The following SIDT2 variants were observed in gnomAD, a reference collection of about 807,000 sequenced individuals.
SIDT2 encodes SID1 transmembrane family member 2.
A neutral mutation model predicts 114.4 loss-of-function variants in SIDT2; 68 were observed. The ratio of observed to expected loss-of-function variants is 0.59; its 90% CI spans 0.49 to 0.73. SIDT2 has a LOEUF of 0.73. Among genes scored for constraint, SIDT2 ranks in the 30% least tolerant of loss-of-function variants. The pLI is 0.00. For missense variants in SIDT2, 918 were observed against 1,097.1 expected (o/e 0.84, Z 2.31); for synonymous variants, 470 against 438.4 (o/e 1.07, Z -0.90).
At chr11:117,189,557 A>C (rs982817122) in intron 15 of SIDT2, 156 bp downstream of exon 15, 4 of 715,062 alleles carry the variant, frequency 5.6e-6, no homozygotes, top group Non-Finnish European at 9.3e-6. Context: ...AAATCACATA[A>C]CCCCCCCAAC....
intron 10 of SIDT2, chr11:117,186,853 C>A: frequency 9.1e-7 from 1 of 1,104,494 alleles, no homozygotes; most frequent in Non-Finnish European, 1.3e-6. Context: ...TTGGTTTATT[C>A]CATGTCTAGC....
At chr11:117,186,517 G>A in intron 9 of SIDT2, 67 bp from the exon 10 acceptor site, 1 of 1,439,500 alleles carries the variant, frequency 6.9e-7, no homozygotes, top group African/African-American at 1.4e-5. Flanking sequence ...TAGAAGGAAA[G>A]TCAGCCCCAT....
Position 117,191,806 on chromosome 11 carries a change from G to A in SIDT2, c.1736-72G>A. The stretch of plus-strand genomic sequence containing the variant: ...CAGGGCTCTCTCTTCCTCTGGGATT[G>A]TTGGGGCCAGGAGTTCTCTGCTGGG... On this transcript the variant is annotated intron_variant, in intron 18 of 25. Transcript: ENST00000324225. 4 of 1,573,950 alleles carry A rather than the reference G, an allele frequency of 2.5e-6. No homozygotes were observed. In the South Asian group the frequency reaches 3.5e-5, roughly 14 times the overall value.
At chr11:117,181,785 A>T (rs1211363293) in intron 2 of SIDT2, 22 bp from the exon 3 acceptor site, 1 of 1,613,902 alleles carries the variant, frequency 6.2e-7, no homozygotes. Context: ...CTCACATCCT[A>T]TCTCCCTGCT....
Position 117,182,769 on chromosome 11 carries a change from A to T in SIDT2, c.665A>T (p.Tyr222Phe). 1 of 1,614,142 alleles carries T rather than the reference A, an allele frequency of 6.2e-7. No homozygotes were observed. Among genetic ancestry groups the T allele is most frequent in the Non-Finnish European group, 8.5e-7 (1 of 1,180,008 alleles). The change falls in exon 6 of 26, where the codon TAC (tyrosine) becomes TTC (phenylalanine). Residue 222 changes from tyrosine to phenylalanine, a missense_variant. By Grantham distance (22) the Tyr-to-Phe change is conservative. Around this residue, in one of 4 missense-constraint regions of SIDT2, gnomAD observed 553 missense variants for 600.1 expected, o/e 0.92. Coordinates refer to ENST00000324225, the MANE Select transcript of SIDT2 (RefSeq NM_001040455.2). Reference sequence around the variant, plus strand: ...AACAACGTAGCCTTCATCGGCATGTACCAGACGATGACCAAGAAGGCGGCC... The same window carrying T: ...AACAACGTAGCCTTCATCGGCATGTTCCAGACGATGACCAAGAAGGCGGCC... ...LDNNVAFIGM[Y>F]QTMTKKAAIT...
Position 117,192,155 on chromosome 11 carries a change from G to A in SIDT2, c.1873-99G>A. 1 of 1,526,948 alleles carries A rather than the reference G, an allele frequency of 6.5e-7. No homozygotes were observed. The highest frequency in any genetic ancestry group is 1.2e-5 in the South Asian group (1 of 86,012). 94.6% of individuals were successfully genotyped at this position (1,526,948 alleles called of 1,614,324 possible). ...GAGATGCCTTCCTGGGCCCCTCTCAGAGTCCCAGCCTGGCTGAGCAGCCAG... is the reference window on the plus strand; with the variant it reads ...GAGATGCCTTCCTGGGCCCCTCTCAAAGTCCCAGCCTGGCTGAGCAGCCAG... On this transcript the variant is annotated intron_variant, in intron 19 of 25. Coordinates refer to ENST00000324225, the MANE Select transcript of SIDT2 (RefSeq NM_001040455.2). This position sits in a 1 kb window ranked among gnomAD's most constrained non-coding sequence, Gnocchi z 5.9.
At position 117,186,179 on chromosome 11, in the gene SIDT2, C is replaced by T; in HGVS notation, c.918C>T (p.Ser306=). ...TCTTTTGCCTGGGTATATTTCTCTC[C>T]TTTTACCTGCTGACCGTCCTCCTGG... ...GMLFCLGIFL[S]FYLLTVLLAC... The change falls in exon 9 of 26, where the codon TCC becomes TCT. Residue 306 remains serine (S), a synonymous_variant. Coordinates refer to ENST00000324225, the MANE Select transcript of SIDT2 (RefSeq NM_001040455.2). The T allele has an allele frequency of 6.2e-7, 1 of 1,614,086 alleles. No homozygotes were observed.
In SIDT2 at chr11:117,187,405, T is replaced by C. The variant is rs1308944708; in HGVS notation, c.1043T>C (p.Phe348Ser). Residue 348 changes from phenylalanine to serine, a missense_variant, in exon 11 of 26, where the codon TTT (phenylalanine) becomes TCT (serine). Physicochemically the swap from Phe to Ser is radical, Grantham distance 155 (BLOSUM62 -2). Transcript: ENST00000324225. ...SGHPRVLADS[F>S]PGSSPYEGYN... The stretch of plus-strand genomic sequence containing the variant: ...CACCCTCGAGTCCTGGCTGATTCTT[T>C]TCCTGGCAGTTCCCCTTATGAGGGT... 4 of 1,614,080 alleles carry C rather than the reference T, an allele frequency of 2.5e-6. No individual in the cohort carries two copies. Among genetic ancestry groups the C allele is most frequent in the Non-Finnish European group, 3.4e-6 (4 of 1,180,002 alleles).
At chr11:117,183,975 G>A (rs2030398545) in intron 7 of SIDT2, 97 bp downstream of exon 7, 9 of 1,518,338 alleles carry the variant, frequency 5.9e-6, no homozygotes, top group Non-Finnish European at 8.2e-6. Flanking sequence ...GGACCTGATA[G>A]GACATGGGTT....
rs1473950950 is a variant in SIDT2 at position 117,192,428 on chromosome 11, G to A, written c.1981+66G>A. ...GGGGGCCTTGGGAACCCGGACGCACGGGAGACGCTCAGGTTCTGTCTTGGG... is the reference window on the plus strand; with the variant it reads ...GGGGGCCTTGGGAACCCGGACGCACAGGAGACGCTCAGGTTCTGTCTTGGG... On this transcript the variant is annotated intron_variant, in intron 20 of 25. Coordinates refer to ENST00000324225, the MANE Select transcript of SIDT2 (RefSeq NM_001040455.2). The surrounding 1 kb of genome is among the most constrained non-coding windows in gnomAD (Gnocchi z 5.9). 1.6e-5 allele frequency: 22 copies of A among 1,389,940 alleles called. No homozygotes were observed. Among genetic ancestry groups the A allele is most frequent in the South Asian group, 8.1e-5 (7 of 86,606 alleles). 86.1% of individuals were successfully genotyped at this position (1,389,940 alleles called of 1,614,324 possible). A position where few individuals can be genotyped will look rare whatever the true frequency, so the allele number is the denominator to read the frequency against.
intron 8 of SIDT2, 143 bp from the exon 9 acceptor site, chr11:117,185,987 T>C (rs928692817): frequency 1.9e-5 from 12 of 633,442 alleles, no homozygotes; most frequent in Non-Finnish European, 3.0e-5. Context: ...CAGTTGTTCA[T>C]ACTGGCTAGG....
Position 117,190,837 on chromosome 11 carries a change from C to T in SIDT2, c.1735+97C>T. 1.0e-6 allele frequency: 1 copy of T among 959,196 alleles called. No homozygotes were observed. Among genetic ancestry groups the T allele is most frequent in the Non-Finnish European group, 1.7e-6 (1 of 601,708 alleles). 59.4% of individuals were successfully genotyped at this position (959,196 alleles called of 1,614,324 possible). A position where few individuals can be genotyped will look rare whatever the true frequency, so the allele number is the denominator to read the frequency against. ...GTCACCCACAGGGATCGCTAAGACACCCCTGTAGGAAACTCCAAGGCTGGC... is the reference window on the plus strand; with the variant it reads ...GTCACCCACAGGGATCGCTAAGACATCCCTGTAGGAAACTCCAAGGCTGGC... On this transcript the variant is annotated intron_variant, in intron 18 of 25. Transcript: ENST00000324225. This position sits in a 1 kb window ranked among gnomAD's most constrained non-coding sequence, Gnocchi z 4.1.
In SIDT2 at chr11:117,186,148, G is replaced by C. The variant is rs2030487873; in HGVS notation, c.887G>C (p.Gly296Ala). The C allele has an allele frequency of 1.2e-6, 2 of 1,613,930 alleles. No individual in the cohort carries two copies. Among genetic ancestry groups the C allele is most frequent in the Non-Finnish European group, 1.7e-6 (2 of 1,180,002 alleles). Residue 296 changes from glycine to alanine, a missense_variant, in exon 9 of 26, where the codon GGG (glycine) becomes GCG (alanine). Physicochemically the swap from Gly to Ala is moderately conservative, Grantham distance 60. Transcript: ENST00000324225. ...CTTGAAGCTGAGGCATACGTCAGTG[G>C]GATGCTCTTTTGCCTGGGTATATTT... is the stretch of plus-strand genomic sequence containing the variant. Reference protein sequence around the residue: ...QAVTSEAYVSGMLFCLGIFLS... With the variant: ...QAVTSEAYVSAMLFCLGIFLS...
rs1355993669 is a variant in SIDT2 at position 117,189,421 on chromosome 11, T to C, written c.1419+20T>C. 1 of 1,612,500 alleles carries C rather than the reference T, an allele frequency of 6.2e-7. No homozygotes were observed. Among genetic ancestry groups the C allele is most frequent in the Admixed American group, 1.7e-5 (1 of 59,786 alleles). ...CAGACGGTGAGAGGGCAGGGCAGGT[T>C]CACCTTTCCGACAGCCTAGGACACC... On this transcript the variant is annotated intron_variant, in intron 15 of 25. Transcript: ENST00000324225.
At position 117,179,096 on chromosome 11, in the gene SIDT2, C is replaced by T. The variant is rs2030144167; in HGVS notation, c.-168C>T. On this transcript the variant is annotated 5_prime_UTR_variant, in exon 1 of 26. Coordinates refer to ENST00000324225, the MANE Select transcript of SIDT2 (RefSeq NM_001040455.2). Reference sequence around the variant, plus strand: ...CCTGCGGGGACCCTGGGAGCCTCTTCGGGGCTCTTGGGAGGGGACATTTCC... The same window carrying T: ...CCTGCGGGGACCCTGGGAGCCTCTTTGGGGCTCTTGGGAGGGGACATTTCC... The T allele has an allele frequency of 1.4e-6, 1 of 701,936 alleles. No homozygotes were observed. The highest frequency in any genetic ancestry group is 2.3e-6 in the Non-Finnish European group (1 of 431,854). 43.5% of individuals were successfully genotyped at this position (701,936 alleles called of 1,614,324 possible). A position where few individuals can be genotyped will look rare whatever the true frequency, so the allele number is the denominator to read the frequency against.
At chr11:117,185,665 G>A (rs1004715946) in intron 8 of SIDT2, among the ~76,000 whole-genome samples, 2 of 152,016 alleles carry the variant, frequency 1.3e-5, no homozygotes, top group African/African-American at 4.8e-5. Flanking sequence ...ATTGCTTGAA[G>A]CCAGGAATTC....
chr11:117,185,892 A>AG (rs200663680), intron 8 of SIDT2: 8,496 of 320,370 alleles, frequency 0.027, 146 homozygotes, highest in South Asian at 0.048. Context: ...AAAAAAAAAA[A>AG]AAAGTAGAAG....
chr11:117,179,492 C>CGAGG, intron 1 of SIDT2, 46 bp downstream of exon 1: 1 of 1,577,346 alleles, frequency 6.3e-7, no homozygotes, highest in Non-Finnish European at 8.6e-7. Flanking sequence ...GGGAAGCCGA[C>CGAGG]GAGGGCTAGG....
chr11:117,184,914 C>T (rs889617722), intron 8 of SIDT2, among the ~76,000 whole-genome samples: 8 of 152,022 alleles, frequency 5.3e-5, no homozygotes, highest in African/African-American at 1.7e-4. Context: ...TTAGTAGAGA[C>T]GGGGGTTTCA....
Sources: allele counts gnomAD v4.1 joint callset (sites outside exome capture counted in the v4.1 genomes callset), GRCh38; gene constraint gnomAD v4.1.1; regional missense constraint gnomAD v4.1.1; non-coding constraint Gnocchi (gnomAD v3.1); transcripts MANE v1.5; gene names NCBI Gene and HGNC (gene_info 2026-07-23, HGNC 2026-07-21).